DDX10: variants seen among roughly 807,000 people sequenced by gnomAD.
DDX10 encodes the protein DEAD-box helicase 10.
DDX10 carries 74 observed loss-of-function variants against 104.3 expected under a neutral mutation model. That is an observed-to-expected ratio of 0.71 (90% CI 0.59 to 0.86). The LOEUF (loss-of-function observed/expected upper bound fraction) is 0.86, where lower values mean the gene tolerates loss of function less well. Ranked by LOEUF, DDX10 falls within the 40% of genes least tolerant of loss-of-function variation. The pLI, the probability that DDX10 is intolerant of heterozygous loss-of-function variation, is 0.00. For missense variants in DDX10, 952 were observed against 1,040.0 expected (o/e 0.92, Z 1.16); for synonymous variants, 351 against 353.4 (o/e 0.99, Z 0.08).
At chr11:108,742,457 C>T (rs1457846537) in intron 13 of DDX10, among the ~76,000 whole-genome samples, 6 of 151,702 alleles carry the variant, frequency 4.0e-5, no homozygotes, top group African/African-American at 1.5e-4. Context: ...CTCAGCTACT[C>T]AGGAGGCTGA....
chr11:108,692,205 T>C (rs1477055359), intron 8 of DDX10, among the ~76,000 whole-genome samples, 167 bp downstream of exon 8: 1 of 152,244 alleles, frequency 6.6e-6, no homozygotes, highest in East Asian at 1.9e-4. Flanking sequence ...ATTAAGGATG[T>C]ATCAGTGAAA....
chr11:108,726,794 T>C lies in DDX10; in HGVS notation c.1965+3332T>C, dbSNP rs927908466. Among the ~76,000 whole-genome samples, 23 of 152,138 alleles carry C rather than the reference T, an allele frequency of 1.5e-4. 1 individual carries two copies. The highest frequency in any genetic ancestry group is 5.3e-4 in the African/African-American group (22 of 41,450). ...ACTGAGGGGGAAGCATTCAGTCTTT[T>C]ACCATTACATCTGATGTTAGCTGTA... On this transcript the variant is annotated intron_variant, in intron 13 of 17. Transcript: ENST00000322536.
rs763264779 is a variant in DDX10, at chr11:108,940,285, C to T, written c.2490C>T (p.Asn830=). 1 of 1,613,960 alleles carries T rather than the reference C, an allele frequency of 6.2e-7. No individual in the cohort carries two copies. Among genetic ancestry groups the T allele is most frequent in the Non-Finnish European group, 8.5e-7 (1 of 1,180,002 alleles). Residue 830 remains asparagine, a synonymous_variant, in exon 18 of 18, where the codon AAC becomes AAT. Transcript: ENST00000322536. The part of the protein sequence containing the change: ...KKKQGMKKRS[N]SEVEDVGPTS... ...AGCAGGGGATGAAGAAGAGGAGCAA[C>T]AGTGAAGTGGAAGACGTGGGACCAA...
In DDX10 at chr11:108,749,274, G is replaced by T. The variant is rs149948630; in HGVS notation, c.1965+25812G>T. The stretch of plus-strand genomic sequence containing the variant: ...GATAGAAATAAAAATTCATCATTAC[G>T]CTCCATGTGTGAAACAGGGATTTGG... On this transcript the variant is annotated intron_variant, in intron 13 of 17. Transcript: ENST00000322536. Among the ~76,000 whole-genome samples, 797 of 152,054 alleles carry T rather than the reference G, an allele frequency of 5.2e-3. 12 individuals are homozygous for T. Among genetic ancestry groups the T allele is most frequent in the Admixed American group, 0.021 (324 of 15,266 alleles).
intron 13 of DDX10, among the ~76,000 whole-genome samples, chr11:108,797,374 C>T (rs552308647): frequency 2.0e-5 from 3 of 152,248 alleles, no homozygotes; most frequent in Admixed American, 6.5e-5. Context: ...TATTCAATTA[C>T]GGCAGCGCAA....
At chr11:108,801,930 G>A (rs1317587810) in intron 13 of DDX10, among the ~76,000 whole-genome samples, 1 of 151,710 alleles carries the variant, frequency 6.6e-6, no homozygotes, top group Non-Finnish European at 1.5e-5. Flanking sequence ...TCTCAACATA[G>A]CACTGTTCTA....
Position 108,917,927 on chromosome 11 carries a change from G to A in DDX10, c.2359G>A (p.Asp787Asn), listed in dbSNP as rs774604674. ...LDWSDDDDDD[D>N]DGFDPSTLPD... Reference sequence around the variant, plus strand: ...TTGGAGTGATGATGATGATGATGATGATGATGGATTTGATCCAAGCACACT... The same window carrying A: ...TTGGAGTGATGATGATGATGATGATAATGATGGATTTGATCCAAGCACACT... The change falls in exon 17 of 18, where the codon GAT becomes AAT. Residue 787 changes from aspartate to asparagine, a missense_variant. Coordinates refer to ENST00000322536, the MANE Select transcript of DDX10 (RefSeq NM_004398.4). 3.1e-6 allele frequency: 5 copies of A among 1,613,000 alleles called. No individual in the cohort carries two copies. The South Asian group carries it at 4.4e-5, about 14-fold the overall frequency.
At chr11:108,901,714 A>G (rs1863518635) in intron 16 of DDX10, among the ~76,000 whole-genome samples, 1 of 152,206 alleles carries the variant, frequency 6.6e-6, no homozygotes, top group African/African-American at 2.4e-5. Flanking sequence ...CTCTTTTCAG[A>G]ATTATAAACA....
At chr11:108,852,021 A>G (rs1043617320) in intron 15 of DDX10, 132 bp from the exon 16 acceptor site, 2 of 673,996 alleles carry the variant, frequency 3.0e-6, no homozygotes, top group East Asian at 5.6e-5. Flanking sequence ...CCATAGTAGT[A>G]GTCAGTAAAT....
intron 13 of DDX10, among the ~76,000 whole-genome samples, chr11:108,792,202 G>C (rs1312123211): frequency 1.3e-5 from 2 of 152,074 alleles, no homozygotes; most frequent in African/African-American, 4.8e-5. Context: ...TAAAGTTCTT[G>C]GATTCTGTGG....
chr11:108,775,792 T>C (rs1345562041), intron 13 of DDX10, among the ~76,000 whole-genome samples: 1 of 152,226 alleles, frequency 6.6e-6, no homozygotes, highest in Non-Finnish European at 1.5e-5. Context: ...TATAGCCACA[T>C]ATTTTAAGCA....
At chr11:108,769,998 G>A (rs1427563724) in intron 13 of DDX10, among the ~76,000 whole-genome samples, 1 of 152,176 alleles carries the variant, frequency 6.6e-6, no homozygotes, top group Non-Finnish European at 1.5e-5. Context: ...TTAACATCTG[G>A]CTGAAGAGTT....
intron 16 of DDX10, among the ~76,000 whole-genome samples, chr11:108,857,780 T>C (rs891440365): frequency 1.3e-5 from 2 of 152,246 alleles, no homozygotes; most frequent in Non-Finnish European, 2.9e-5. Context: ...CGTTGACTCT[T>C]AAGCATTAGG....
Position 108,747,421 on chromosome 11 carries a change from G to A in DDX10, c.1965+23959G>A, listed in dbSNP as rs987432343. Among the ~76,000 whole-genome samples the A allele has an allele frequency of 2.0e-5, 3 of 152,240 alleles. No individual in the cohort carries two copies. In the East Asian group the frequency reaches 5.8e-4, roughly 29 times the overall value. On this transcript the variant is annotated intron_variant, in intron 13 of 17. Transcript: ENST00000322536. ...GATTGATTAATGAGGTCCACTTTTA[G>A]CATGGGATGGAAGAGTTTTGACATG...
intron 17 of DDX10, among the ~76,000 whole-genome samples, chr11:108,936,198 G>C (rs7113892): frequency 0.19 from 29,082 of 152,102 alleles, 3,026 homozygotes; most frequent in East Asian, 0.27. Context: ...CTGTCATCAT[G>C]TGTTCAGATT....
In DDX10 at chr11:108,924,132, A is replaced by G. The variant is rs147185291; in HGVS notation, c.2450+6114A>G. Among the ~76,000 whole-genome samples the G allele has an allele frequency of 1.7e-3, 261 of 152,262 alleles. 2 individuals carry two copies. The highest frequency in any genetic ancestry group is 6.1e-3 in the African/African-American group (255 of 41,552). On this transcript the variant is annotated intron_variant, in intron 17 of 17. Coordinates refer to ENST00000322536, the MANE Select transcript of DDX10 (RefSeq NM_004398.4). Reference sequence around the variant, plus strand: ...AATACAATGAAAAAGAAACAGCCGGATGTTCCAGATGTTCATTATCCAGTC... The same window carrying G: ...AATACAATGAAAAAGAAACAGCCGGGTGTTCCAGATGTTCATTATCCAGTC...
chr11:108,669,719 T>C (rs2094214582), intron 1 of DDX10, among the ~76,000 whole-genome samples: 1 of 152,194 alleles, frequency 6.6e-6, no homozygotes, highest in Non-Finnish European at 1.5e-5. Context: ...AGTAGGGCGA[T>C]TATCCTGGAT....
chr11:108,810,742 C>A (rs1862168223), intron 13 of DDX10, among the ~76,000 whole-genome samples: 1 of 152,146 alleles, frequency 6.6e-6, no homozygotes, highest in African/African-American at 2.4e-5. Flanking sequence ...ACTAGAAATC[C>A]TGGGAATTTT....
intron 16 of DDX10, among the ~76,000 whole-genome samples, chr11:108,858,035 A>G (rs1862893686): frequency 6.6e-6 from 1 of 152,182 alleles, no homozygotes; most frequent in South Asian, 2.1e-4. Context: ...CAGCAGCTTA[A>G]TTTTTTCTTA....
Sources: gnomAD v4.1 joint callset for allele counts (sites outside exome capture counted in the v4.1 genomes callset) on GRCh38, gnomAD v4.1.1 for gene constraint, MANE v1.5 for transcripts, NCBI Gene and HGNC (gene_info 2026-07-23, HGNC 2026-07-21) for gene names.